The following CTNNA2 variants were observed in gnomAD, a reference collection of about 807,000 sequenced individuals.
The protein encoded by CTNNA2 is catenin alpha 2.
CTNNA2 carries 42 observed loss-of-function variants against 101.0 expected under a neutral mutation model. That is an observed-to-expected ratio of 0.42 (90% CI 0.32 to 0.54). The LOEUF (loss-of-function observed/expected upper bound fraction) is 0.54. Among genes scored for constraint, CTNNA2 ranks in the 20% least tolerant of loss-of-function variants. The probability of loss-of-function intolerance (pLI) is 0.14; values close to 1 mark genes in which losing one functional copy is unlikely to be tolerated. For missense variants in CTNNA2, 871 were observed against 1,223.1 expected, an observed-to-expected ratio of 0.71 and a Z score of 4.29; for synonymous variants, 450 against 456.4, an observed-to-expected ratio of 0.99 and a Z score of 0.18.
intron 3 of CTNNA2, among the ~76,000 whole-genome samples, chr2:79,325,417 T>G (rs1558626962): frequency 1.3e-5 from 2 of 152,214 alleles, no homozygotes; most frequent in Non-Finnish European, 2.9e-5. Flanking sequence ...ATGTCATTGT[T>G]TTCATTGTTT....
chr2:79,809,036 G>A (rs921384090), intron 3 of CTNNA2, among the ~76,000 whole-genome samples: 30 of 152,020 alleles, frequency 2.0e-4, no homozygotes, highest in Admixed American at 1.0e-3. Context: ...GAGAACATGC[G>A]GTGTTTGGTT....
intron 4 of CTNNA2, among the ~76,000 whole-genome samples, chr2:79,408,199 C>A (rs758371687): frequency 2.0e-5 from 3 of 151,932 alleles, no homozygotes; most frequent in Non-Finnish European, 4.4e-5. Flanking sequence ...CCACTTCTTC[C>A]TCCATGCCCA....
At chr2:80,559,710 A>G (rs1693374702) in intron 12 of CTNNA2, among the ~76,000 whole-genome samples, 1 of 152,146 alleles carries the variant, frequency 6.6e-6, no homozygotes, top group Non-Finnish European at 1.5e-5. Flanking sequence ...AAATACTTAC[A>G]TGGCATATTT....
intron 7 of CTNNA2, among the ~76,000 whole-genome samples, chr2:80,074,797 G>A (rs1343717855): frequency 6.6e-6 from 1 of 152,138 alleles, no homozygotes; most frequent in African/African-American, 2.4e-5. Context: ...AAATAATACT[G>A]CAAATTGTAT....
At chr2:80,434,193 A>C (rs1248707317) in intron 9 of CTNNA2, among the ~76,000 whole-genome samples, 1 of 152,208 alleles carries the variant, frequency 6.6e-6, no homozygotes, top group Non-Finnish European at 1.5e-5. Flanking sequence ...GCGTGAAATG[A>C]CAATTTCCAT....
chr2:79,331,600 T>A (rs951376522), intron 3 of CTNNA2, among the ~76,000 whole-genome samples: 1 of 152,176 alleles, frequency 6.6e-6, no homozygotes, highest in African/African-American at 2.4e-5. Context: ...GGGTCTCCAC[T>A]GGAGAATGGA....
At chr2:79,469,215 G>T (rs988369182) in intron 4 of CTNNA2, among the ~76,000 whole-genome samples, 4 of 152,154 alleles carry the variant, frequency 2.6e-5, no homozygotes, top group African/African-American at 4.8e-5. Flanking sequence ...TGATCCCACA[G>T]AAATACAAAC....
chr2:80,427,983 T>C (rs1239869641), intron 9 of CTNNA2, among the ~76,000 whole-genome samples: 1 of 152,158 alleles, frequency 6.6e-6, no homozygotes, highest in Non-Finnish European at 1.5e-5. Flanking sequence ...TAGCACAAAA[T>C]TAAACAGAGT....
chr2:79,510,761 A>C (rs1281991013), upstream of CTNNA2, among the ~76,000 whole-genome samples: 2 of 152,238 alleles, frequency 1.3e-5, no homozygotes, highest in East Asian at 3.9e-4. Flanking sequence ...ATTTAAAGCA[A>C]TTGCATGAAC....
chr2:80,556,650 G>GT (rs992643250), intron 12 of CTNNA2, among the ~76,000 whole-genome samples: 24 of 152,148 alleles, frequency 1.6e-4, no homozygotes, highest in African/African-American at 5.6e-4. Context: ...AGACTGGCCT[G>GT]TTTTTAGTAG....
At chr2:79,768,777 A>G (rs1673353264) in intron 3 of CTNNA2, among the ~76,000 whole-genome samples, 1 of 152,102 alleles carries the variant, frequency 6.6e-6, no homozygotes, top group East Asian at 1.9e-4. Flanking sequence ...TCCCTAACAC[A>G]CGCCAACTCT....
chr2:79,641,140 G>A (rs564760731), intron 1 of CTNNA2, among the ~76,000 whole-genome samples: 1 of 152,226 alleles, frequency 6.6e-6, no homozygotes, highest in African/African-American at 2.4e-5. Flanking sequence ...ATATCTGCCT[G>A]GTTACAAAGA....
At chr2:80,263,019 C>T (rs4318412) in intron 7 of CTNNA2, among the ~76,000 whole-genome samples, 12,961 of 152,104 alleles carry the variant, frequency 0.085, 773 homozygotes, top group South Asian at 0.28. Flanking sequence ...TAATCTGGCC[C>T]TCGGAAATGG....
At chr2:80,564,548 C>CT (rs1693887637) in intron 12 of CTNNA2, among the ~76,000 whole-genome samples, 5 of 148,954 alleles carry the variant, frequency 3.4e-5, no homozygotes, top group Admixed American at 6.7e-5. Context: ...CTAGGCAGTC[C>CT]TTCTTCATCT....
chr2:79,267,346 C>T (rs1674999479), intron 2 of CTNNA2, among the ~76,000 whole-genome samples: 1 of 151,828 alleles, frequency 6.6e-6, no homozygotes, highest in Admixed American at 6.6e-5. Context: ...CTGATGAGGA[C>T]ATGCTATCTG....
At chr2:80,078,663 T>C (rs1698919122) in intron 7 of CTNNA2, among the ~76,000 whole-genome samples, 2 of 152,232 alleles carry the variant, frequency 1.3e-5, no homozygotes, top group African/African-American at 4.8e-5. Context: ...GCCTGGCCTC[T>C]TCTGGCTCTT....
At chr2:80,307,214 A>G (rs1047370575) in intron 7 of CTNNA2, among the ~76,000 whole-genome samples, 12 of 152,016 alleles carry the variant, frequency 7.9e-5, no homozygotes, top group African/African-American at 2.9e-4. Flanking sequence ...CGTATACATT[A>G]ACAGATTGAA....
chr2:79,536,574 A>AGTGTGTGTGTGTGTGTGTGTGTGT (rs61029469), intron 1 of CTNNA2, among the ~76,000 whole-genome samples: 1 of 146,714 alleles, frequency 6.8e-6, no homozygotes, highest in East Asian at 2.0e-4. Flanking sequence ...TCTCTAAAGA[A>AGTGTGTGTGTGTGTGTGTGTGTGT]GTGTGTGTGT....
chr2:79,335,334 C>T (rs1676970807), intron 3 of CTNNA2, among the ~76,000 whole-genome samples: 1 of 152,092 alleles, frequency 6.6e-6, no homozygotes, highest in African/African-American at 2.4e-5. Context: ...TACCAAGACT[C>T]AGAGGGGGAC....
Sources: gnomAD v4.1 joint callset for allele counts (sites outside exome capture counted in the v4.1 genomes callset) on GRCh38, gnomAD v4.1.1 for gene constraint, MANE v1.5 for transcripts, NCBI Gene and HGNC (gene_info 2026-07-23, HGNC 2026-07-21) for gene names.